Variants in THSD4 observed in about 807,000 individuals in gnomAD.
THSD4 encodes thrombospondin type 1 domain containing 4.
A neutral mutation model predicts 119.0 loss-of-function variants in THSD4; 69 were observed. The ratio of observed to expected loss-of-function variants is 0.58; its 90% CI spans 0.48 to 0.71. The LOEUF (loss-of-function observed/expected upper bound fraction) is 0.71. Ranked by LOEUF, THSD4 falls within the 30% of genes least tolerant of loss-of-function variation. The pLI, the probability that THSD4 is intolerant of heterozygous loss-of-function variation, is 0.00. For synonymous variants in THSD4, 524 were observed against 540.4 expected (o/e 0.97, Z 0.42); for missense variants, 1,393 against 1,391.1 (o/e 1.00, Z -0.02).
intron 7 of THSD4, among the ~76,000 whole-genome samples, chr15:71,518,331 A>G (rs1239970752): frequency 6.6e-6 from 1 of 152,042 alleles, no homozygotes; most frequent in African/African-American, 2.4e-5. Flanking sequence ...AACGTTAAAT[A>G]TGGGATCCAC....
rs2050264955 is a variant in THSD4 at position 71,613,376 on chromosome 15, T to G, written c.1153-47154T>G. Among the ~76,000 whole-genome samples, 5 of 152,178 alleles carry G rather than the reference T, an allele frequency of 3.3e-5. No homozygotes were observed. The South Asian group carries it at 1.0e-3, about 32-fold the overall frequency. On this transcript the variant is annotated intron_variant, in intron 7 of 17. Transcript: ENST00000261862. Reference sequence around the variant, plus strand: ...GGATCCATTGTTTGTTTTTTCAATTTTTAACATTTTTTTAAGTCCTGCAGA... The same window carrying G: ...GGATCCATTGTTTGTTTTTTCAATTGTTAACATTTTTTTAAGTCCTGCAGA...
At chr15:71,233,895 C>A (rs191523785) in intron 4 of THSD4, among the ~76,000 whole-genome samples, 1 of 152,176 alleles carries the variant, frequency 6.6e-6, no homozygotes, top group African/African-American at 2.4e-5. Flanking sequence ...AGGACTCTCT[C>A]CTCTCTCTCC....
intron 1 of THSD4, among the ~76,000 whole-genome samples, chr15:71,127,857 C>G (rs2040468477): frequency 1.3e-5 from 2 of 152,140 alleles, no homozygotes; most frequent in African/African-American, 4.8e-5. Context: ...TTCTCCCATT[C>G]TGTGGGTTGT....
In THSD4 at chr15:71,698,906, G is replaced by C. The variant is rs573693050; in HGVS notation, c.1358-29643G>C. Among the ~76,000 whole-genome samples the C allele has an allele frequency of 9.2e-5, 14 of 152,120 alleles. No homozygotes were observed. The South Asian group carries it at 1.9e-3, about 20-fold the overall frequency. ...GCAAAGAGTAGAGTGGTGGTTGCTA[G>C]AGCTTGGCAGGAAGGGGGAAATGGG... is the stretch of plus-strand genomic sequence containing the variant. On this transcript the variant is annotated intron_variant, in intron 8 of 17. Coordinates refer to ENST00000261862, the MANE Select transcript of THSD4 (RefSeq NM_024817.3).
intron 14 of THSD4, among the ~76,000 whole-genome samples, chr15:71,752,544 A>G (rs1434612677): frequency 6.6e-6 from 1 of 152,172 alleles, no homozygotes; most frequent in Non-Finnish European, 1.5e-5. Context: ...GTTCATGCTT[A>G]TTTTAGAGTA....
Position 71,748,533 on chromosome 15 carries a change from T to C in THSD4, c.2354T>C (p.Ile785Thr), listed in dbSNP as rs757197313. ...AACATGAAGCTCCGGCCGAATGACA[T>C]TGAGAACTGCGACATGGGACCCTGT... The part of the protein sequence containing the change: ...ECNMKLRPND[I>T]ENCDMGPCAK... Residue 785 changes from isoleucine (I) to threonine (T), a missense_variant, in exon 14 of 18, where the codon ATT becomes ACT. Ile to Thr is a moderately conservative substitution (Grantham distance 89). Transcript: ENST00000261862. The C allele has an allele frequency of 1.9e-6, 3 of 1,614,168 alleles. No individual in the cohort carries two copies. Among genetic ancestry groups the C allele is most frequent in the Non-Finnish European group, 2.5e-6 (3 of 1,180,036 alleles).
At chr15:71,593,150 C>CAGGAT (rs1220320719) in intron 7 of THSD4, among the ~76,000 whole-genome samples, 7 of 41,604 alleles carry the variant, frequency 1.7e-4, no homozygotes, top group East Asian at 1.8e-3. Flanking sequence ...GTAGGCCGGG[C>CAGGAT]GCGGTGGCTC....
intron 1 of THSD4, among the ~76,000 whole-genome samples, chr15:71,137,004 G>T (rs2040557918): frequency 6.6e-6 from 1 of 152,154 alleles, no homozygotes; most frequent in South Asian, 2.1e-4. Flanking sequence ...GGTGTGTGGG[G>T]ATGGCCACTT....
chr15:71,540,343 G>A (rs1037072974), intron 7 of THSD4, among the ~76,000 whole-genome samples: 2 of 151,190 alleles, frequency 1.3e-5, no homozygotes, highest in African/African-American at 4.9e-5. Context: ...TCACCATGTT[G>A]GTCAGGCTGG....
intron 6 of THSD4, among the ~76,000 whole-genome samples, chr15:71,373,829 T>A (rs945732295): frequency 6.6e-6 from 1 of 152,180 alleles, no homozygotes; most frequent in Non-Finnish European, 1.5e-5. Context: ...GTGTTCCCGT[T>A]GAGAGTGAGT....
chr15:71,222,732 C>G (rs552505221), intron 4 of THSD4, among the ~76,000 whole-genome samples: 2 of 152,282 alleles, frequency 1.3e-5, no homozygotes, highest in South Asian at 4.2e-4. Context: ...GAGGAAAACT[C>G]TTGCCCAGGC....
chr15:71,388,071 C>G (rs951885159), intron 6 of THSD4, among the ~76,000 whole-genome samples: 2 of 152,232 alleles, frequency 1.3e-5, no homozygotes, highest in African/African-American at 2.4e-5. Context: ...CAAATCAAAA[C>G]TACACTCAGG....
chr15:71,674,970 T>A (rs1567094623), intron 8 of THSD4, among the ~76,000 whole-genome samples: 2 of 152,208 alleles, frequency 1.3e-5, no homozygotes, highest in Admixed American at 6.5e-5. Context: ...CAGAATGATA[T>A]TTTTAAAATA....
chr15:71,467,865 T>TTTC (rs1566994844), intron 7 of THSD4, among the ~76,000 whole-genome samples: 4 of 151,148 alleles, frequency 2.6e-5, no homozygotes, highest in Admixed American at 6.6e-5. Context: ...TTTTCTTTTT[T>TTTC]TGAGACGGAG....
intron 4 of THSD4, among the ~76,000 whole-genome samples, chr15:71,228,005 G>A (rs1181641357): frequency 3.3e-5 from 5 of 152,094 alleles, no homozygotes; most frequent in African/African-American, 4.8e-5. Flanking sequence ...CTCTGTAGTA[G>A]GTTGAATAAT....
chr15:71,715,465 C>G (rs1453008193), intron 8 of THSD4, among the ~76,000 whole-genome samples: 1 of 152,050 alleles, frequency 6.6e-6, no homozygotes, highest in Non-Finnish European at 1.5e-5. Flanking sequence ...TGTTTAATTA[C>G]CCGAATTCCC....
chr15:71,333,134 C>T (rs942831849), intron 6 of THSD4, among the ~76,000 whole-genome samples: 12 of 151,598 alleles, frequency 7.9e-5, no homozygotes, highest in African/African-American at 2.9e-4. Flanking sequence ...TCCCTTTTTG[C>T]TGCCCACGAG....
intron 7 of THSD4, among the ~76,000 whole-genome samples, chr15:71,559,462 G>A (rs1320017249): frequency 1.3e-5 from 2 of 151,860 alleles, no homozygotes; most frequent in Non-Finnish European, 2.9e-5. Flanking sequence ...TGTGTTTTCT[G>A]CGATTTGAAT....
At chr15:71,128,211 C>G (rs1160756550) in intron 1 of THSD4, among the ~76,000 whole-genome samples, 1 of 148,276 alleles carries the variant, frequency 6.7e-6, no homozygotes, top group Non-Finnish European at 1.5e-5. Context: ...TAAAAATAGA[C>G]TGGGAAAGAA....
Sources: gnomAD v4.1 joint callset for allele counts (sites outside exome capture counted in the v4.1 genomes callset) on GRCh38, gnomAD v4.1.1 for gene constraint, MANE v1.5 for transcripts, NCBI Gene and HGNC (gene_info 2026-07-23, HGNC 2026-07-21) for gene names.